The following GLMP variants were observed in gnomAD, a reference collection of about 807,000 sequenced individuals.
GLMP encodes the protein glycosylated lysosomal membrane protein, also known as kidney lysosomal membrane protein.
GLMP carries 36 observed loss-of-function variants against 39.2 expected under a neutral mutation model. The observed-to-expected ratio is 0.92, with a 90% CI of 0.70 to 1.21. GLMP has a LOEUF of 1.21. GLMP is among the 50% of genes most tolerant of loss of function. GLMP has a pLI of 0.00. For synonymous variants in GLMP, 220 were observed against 218.9 expected, an observed-to-expected ratio of 1.01 and a Z score of -0.04; for missense variants, 454 against 505.6, an observed-to-expected ratio of 0.90 and a Z score of 0.98.
In GLMP at chr1:156,294,494, G is replaced by T. The variant is rs572915309; in HGVS notation, c.450C>A (p.Tyr150Ter). Reference sequence around the variant, plus strand: ...TGTTCCAAGAGAAATCGGCCAAGGAGTATGGAGGATATGGTCTTCCCAAAG... The same window carrying T: ...TGTTCCAAGAGAAATCGGCCAAGGATTATGGAGGATATGGTCTTCCCAAAG... The part of the protein sequence containing the change: ...AKPLGRPYPP[Y>*]SLADFSWNNI... The change falls in exon 3 of 6, where the codon TAC (tyrosine) becomes TAA (stop). Residue 150 changes from tyrosine to a stop codon, truncating the protein, a stop_gained. Transcript: ENST00000362007. LOFTEE classifies it high-confidence loss of function. 54 of 1,614,030 alleles carry T rather than the reference G, an allele frequency of 3.3e-5. No individual in the cohort carries two copies. The South Asian group carries it at 5.8e-4, about 17-fold the overall frequency.
chr1:156,294,254 T>C lies in GLMP; in HGVS notation c.580-18A>G, dbSNP rs201193444. On this transcript the variant is annotated intron_variant, in intron 3 of 5. Coordinates refer to ENST00000362007, the MANE Select transcript of GLMP (RefSeq NM_144580.3). The stretch of plus-strand genomic sequence containing the variant: ...GCCTGGACCTAGGAAGGAAGAAGCA[T>C]GGGAGGTGTGGGAAATAGCTGGATG... The C allele has an allele frequency of 6.2e-7, 1 of 1,610,796 alleles. No individual in the cohort carries two copies. Among genetic ancestry groups the C allele is most frequent in the East Asian group, 2.2e-5 (1 of 44,852 alleles).
At chr1:156,295,349 T>C in intron 1 of GLMP, 177 bp downstream of exon 1, 4 of 1,383,074 alleles carry the variant, frequency 2.9e-6, no homozygotes, top group Non-Finnish European at 3.7e-6. Flanking sequence ...ACCCTCACAT[T>C]TGCCCTACTC....
Position 156,292,960 on chromosome 1 carries a change from G to A in GLMP, c.*84C>T. ...GCAAGATGGGGGAGTGAAGGGGCCG[G>A]CTGGAACTTGATGCTCCAACCTCCA... On this transcript the variant is annotated 3_prime_UTR_variant, in exon 6 of 6. Transcript: ENST00000362007. The A allele has an allele frequency of 6.6e-7, 1 of 1,512,612 alleles. No individual in the cohort carries two copies. The highest frequency in any genetic ancestry group is 8.9e-7 in the Non-Finnish European group (1 of 1,119,198). The allele number at this position is 1,512,612 out of a possible 1,614,324, so 93.7% of individuals were successfully genotyped here.
Position 156,293,205 on chromosome 1 carries a change from T to C in GLMP, c.1060A>G (p.Met354Val), listed in dbSNP as rs1663424295. The C allele has an allele frequency of 2.5e-6, 4 of 1,612,966 alleles. No individual in the cohort carries two copies. The highest frequency in any genetic ancestry group is 3.4e-6 in the Non-Finnish European group (4 of 1,179,552). The stretch of plus-strand genomic sequence containing the variant: ...GGAGGGAAGCCCACACCCAGGAGCA[T>C]CGACCTAGAGCAAGCAGAGAGAGAG... ...YWDQHYLSWS[M>V]LLGVGFPPVD... is the part of the protein sequence containing the mutation. Residue 354 changes from methionine to valine, a missense_variant, in exon 6 of 6, where the codon ATG becomes GTG. Transcript: ENST00000362007.
At chr1:156,294,340 C>A (rs775228458) in intron 3 of GLMP, 25 bp downstream of exon 3, 1 of 1,612,958 alleles carries the variant, frequency 6.2e-7, no homozygotes, top group Non-Finnish European at 8.5e-7. Flanking sequence ...CCTTTTTGAG[C>A]TCTTTCCGAT....
rs1251328916 is a variant in GLMP at position 156,294,366 on chromosome 1, C to G, written c.578G>C (p.Arg193Thr). 1 of 1,614,038 alleles carries G rather than the reference C, an allele frequency of 6.2e-7. No homozygotes were observed. Among genetic ancestry groups the G allele is most frequent in the African/African-American group, 1.3e-5 (1 of 74,928 alleles). Residue 193 changes from arginine (R) to threonine (T), a missense_variant and splice_region_variant, in exon 3 of 6, where the codon AGG becomes ACG. Coordinates refer to ENST00000362007, the MANE Select transcript of GLMP (RefSeq NM_144580.3). ...RTFANGSLAF[R>T]VQAFSRSSRP... is the part of the protein sequence containing the mutation. Reference sequence around the variant, plus strand: ...TCTTTCCGATTTCTCACGCCTTACCCTGAAGGCCAGGCTGCCATTGGCAAA... The same window carrying G: ...TCTTTCCGATTTCTCACGCCTTACCGTGAAGGCCAGGCTGCCATTGGCAAA...
rs1570805 is a variant in GLMP at position 156,294,857 on chromosome 1, C to T, written c.280G>A (p.Val94Ile). The T allele has an allele frequency of 0.095, 153,168 of 1,609,702 alleles. 7,920 individuals carry two copies. The highest frequency in any genetic ancestry group is 0.11 in the Non-Finnish European group (126,606 of 1,177,778). The change falls in exon 2 of 6, where the codon GTC becomes ATC. Residue 94 changes from valine to isoleucine, a missense_variant. Physicochemically the swap from Val to Ile is conservative, Grantham distance 29. Coordinates refer to ENST00000362007, the MANE Select transcript of GLMP (RefSeq NM_144580.3). ...GGGGATAGCAGGAGGCTCCAGTTGA[C>T]GCTCAGGGTGCTGTGGGGGGTGTTG... ...ATNTPHSTLS[V>I]NWSLLLSPEP...
At position 156,293,116 on chromosome 1, in the gene GLMP, G is replaced by A; in HGVS notation, c.1149C>T (p.Leu383=). The change falls in exon 6 of 6, where the codon CTC becomes CTT. Residue 383 remains leucine, a synonymous_variant. Transcript: ENST00000362007. ...IMAVALGAPG[L]MLLGGGLVLL... is the part of the protein sequence containing the mutation. ...GAACCAAGCCGCCCCCTAGCAGCAT[G>A]AGCCCTGGGGCACCCAGGGCCACTG... The A allele has an allele frequency of 6.2e-7, 1 of 1,614,108 alleles. No homozygotes were observed. The highest frequency in any genetic ancestry group is 8.5e-7 in the Non-Finnish European group (1 of 1,180,026).
rs200464618 is a variant in GLMP, at chr1:156,294,125, G to A, written c.691C>T (p.Arg231Cys). Residue 231 changes from arginine (R) to cysteine (C), a missense_variant, in exon 4 of 6, where the codon CGT (arginine) becomes TGT (cysteine). Coordinates refer to ENST00000362007, the MANE Select transcript of GLMP (RefSeq NM_144580.3). Reference sequence around the variant, plus strand: ...GCTACCTCCAGCCCAAACAGGGAACGGTTTCCCCGGGGAGAGGCTCCAATC... The same window carrying A: ...GCTACCTCCAGCCCAAACAGGGAACAGTTTCCCCGGGGAGAGGCTCCAATC... Reference protein sequence around the residue: ...ALIGASPRGNRSLFGLEVATL... With the variant: ...ALIGASPRGNCSLFGLEVATL... The A allele has an allele frequency of 6.2e-5, 100 of 1,614,068 alleles. 1 individual carries two copies. Among genetic ancestry groups the A allele is most frequent in the African/African-American group, 2.4e-4 (18 of 74,938 alleles).
rs774834951 is a variant in GLMP, at chr1:156,293,115, T to C, written c.1150A>G (p.Met384Val). 5 of 1,614,058 alleles carry C rather than the reference T, an allele frequency of 3.1e-6. No individual in the cohort carries two copies. The highest frequency in any genetic ancestry group is 4.2e-6 in the Non-Finnish European group (5 of 1,180,000). ...AGAACCAAGCCGCCCCCTAGCAGCA[T>C]GAGCCCTGGGGCACCCAGGGCCACT... ...MAVALGAPGL[M>V]LLGGGLVLLL... Residue 384 changes from methionine to valine, a missense_variant, in exon 6 of 6, where the codon ATG becomes GTG. Met to Val is a conservative substitution (Grantham distance 21). Transcript: ENST00000362007.
At chr1:156,295,176 G>C (rs1482831240) in intron 1 of GLMP, 160 bp from the exon 2 acceptor site, 6 of 976,678 alleles carry the variant, frequency 6.1e-6, no homozygotes, top group Admixed American at 3.4e-5. Context: ...GGAACCCTGG[G>C]GTAAGGGGCA....
Position 156,294,871 on chromosome 1 carries a change from T to C in GLMP, c.266A>G (p.His89Arg). ...AVVMVATNTP[H>R]STLSVNWSLL... Reference sequence around the variant, plus strand: ...GCTCCAGTTGACGCTCAGGGTGCTGTGGGGGGTGTTGGTGGCCACCATTAC... The same window carrying C: ...GCTCCAGTTGACGCTCAGGGTGCTGCGGGGGGTGTTGGTGGCCACCATTAC... Residue 89 changes from histidine to arginine, a missense_variant, in exon 2 of 6, where the codon CAC becomes CGC. Transcript: ENST00000362007. 1 of 1,612,204 alleles carries C rather than the reference T, an allele frequency of 6.2e-7. No homozygotes were observed. Among genetic ancestry groups the C allele is most frequent in the Non-Finnish European group, 8.5e-7 (1 of 1,179,156 alleles).
At position 156,293,028 on chromosome 1, in the gene GLMP, C is replaced by G. The variant is rs1451254698; in HGVS notation, c.*16G>C. Reference sequence around the variant, plus strand: ...AAGACAGGTTCAGTAATGTCCTTCCCTCCAGAGAGCGGGCCTTAATTTATG... The same window carrying G: ...AAGACAGGTTCAGTAATGTCCTTCCGTCCAGAGAGCGGGCCTTAATTTATG... On this transcript the variant is annotated 3_prime_UTR_variant, in exon 6 of 6. Coordinates refer to ENST00000362007, the MANE Select transcript of GLMP (RefSeq NM_144580.3). The G allele has an allele frequency of 6.2e-6, 10 of 1,613,602 alleles. No individual in the cohort carries two copies. Among genetic ancestry groups the G allele is most frequent in the Non-Finnish European group, 8.5e-6 (10 of 1,179,766 alleles).
chr1:156,294,979 AG>A lies in GLMP; in HGVS notation c.157del (p.Leu53CysfsTer29). 6.3e-7 allele frequency: 1 copy of A among 1,590,084 alleles called. No homozygotes were observed. The highest frequency in any genetic ancestry group is 8.6e-7 in the Non-Finnish European group (1 of 1,163,962). On this transcript the variant is annotated frameshift_variant, in exon 2 of 6. Coordinates refer to ENST00000362007, the MANE Select transcript of GLMP (RefSeq NM_144580.3). LOFTEE classifies it high-confidence loss of function. ...LEVIPNWLGPLQNLLHIRAVG... is the reference protein window; with the variant it reads ...LEVIPNWLGPXQNLLHIRAVG... ...TGCCCGTATATGAAGCAGGTTCTGC[AG>A]GGGGCCCAGCCAGTTAGGGATGACC... is the stretch of plus-strand genomic sequence containing the variant.
chr1:156,293,587 A>G lies in GLMP; in HGVS notation c.799-11T>C. 2 of 1,614,034 alleles carry G rather than the reference A, an allele frequency of 1.2e-6. No homozygotes were observed. The highest frequency in any genetic ancestry group is 8.5e-7 in the Non-Finnish European group (1 of 1,179,920). On this transcript the variant is annotated splice_polypyrimidine_tract_variant and intron_variant, in intron 4 of 5. Transcript: ENST00000362007. ...CAGTAGCTGGTCCAACTGGGAAGAA[A>G]GGCAAACAAGGGAGGGTAAAGAGGA... is the stretch of plus-strand genomic sequence containing the variant.
intron 2 of GLMP, 34 bp from the exon 3 acceptor site, chr1:156,294,599 C>T (rs957270292): frequency 1.2e-6 from 2 of 1,610,620 alleles, no homozygotes; most frequent in African/African-American, 2.7e-5. Flanking sequence ...ACTGGGCTTG[C>T]CTCAGTTTTT....
chr1:156,294,666 T>C (rs768179765), intron 2 of GLMP, 93 bp downstream of exon 2: 2 of 1,578,966 alleles, frequency 1.3e-6, no homozygotes, highest in Non-Finnish European at 8.6e-7. Flanking sequence ...TCTGAGTCTA[T>C]TTCACCCACC....
At position 156,294,938 on chromosome 1, in the gene GLMP, T is replaced by C; in HGVS notation, c.199A>G (p.Thr67Ala). 6.2e-7 allele frequency: 1 copy of C among 1,605,002 alleles called. No homozygotes were observed. The highest frequency in any genetic ancestry group is 8.5e-7 in the Non-Finnish European group (1 of 1,173,684). Residue 67 changes from threonine to alanine, a missense_variant, in exon 2 of 6, where the codon ACA becomes GCA. Physicochemically the swap from Thr to Ala is moderately conservative, Grantham distance 58 (BLOSUM62 0). Transcript: ENST00000362007. Reference protein sequence around the residue: ...LHIRAVGTNSTLHYVWSSLGP... With the variant: ...LHIRAVGTNSALHYVWSSLGP... ...AGGCTGCTCCACACATAGTGCAGTG[T>C]GGAATTGGTGCCCACTGCCCGTATA...
chr1:156,294,817 C>T lies in GLMP; in HGVS notation c.320G>A (p.Gly107Asp). 1 of 1,588,894 alleles carries T rather than the reference C, an allele frequency of 6.3e-7. No individual in the cohort carries two copies. Among genetic ancestry groups the T allele is most frequent in the Non-Finnish European group, 8.6e-7 (1 of 1,166,526 alleles). Residue 107 changes from glycine to aspartate, a missense_variant, in exon 2 of 6, where the codon GGC (glycine) becomes GAC (aspartate). Gly to Asp is a moderately conservative substitution (Grantham distance 94). Transcript: ENST00000362007. ...GCTGTCCTTAGGGAGCACCATCAGGCCCCCATCGGGCTCAGGGGATAGCAG... is the reference window on the plus strand; with the variant it reads ...GCTGTCCTTAGGGAGCACCATCAGGTCCCCATCGGGCTCAGGGGATAGCAG... ...SLLLSPEPDG[G>D]LMVLPKDSIQ...
Sources: allele counts gnomAD v4.1 joint callset, GRCh38; gene constraint gnomAD v4.1.1; transcripts MANE v1.5; gene names NCBI Gene and HGNC (gene_info 2026-07-23, HGNC 2026-07-21).